MAX: variants seen among roughly 807,000 people sequenced by gnomAD.
MAX encodes protein max.
A neutral mutation model predicts 22.3 loss-of-function variants in MAX; 3 were observed. The observed-to-expected ratio is 0.13, with a 90% confidence interval of 0.06 to 0.35. The LOEUF (loss-of-function observed/expected upper bound fraction) is 0.35. MAX is among the 10% of genes least tolerant of loss of function. The pLI, the probability that MAX is intolerant of heterozygous loss-of-function variation, is 1.00. For missense variants in MAX, 119 were observed against 209.4 expected (o/e 0.57, Z 2.66); for synonymous variants, 72 against 77.7 (o/e 0.93, Z 0.39).
rs533925070 is a variant in MAX at position 65,012,091 on chromosome 14, G to A, written c.172-5807C>T. 12 of 506,592 alleles carry A rather than the reference G, an allele frequency of 2.4e-5. No homozygotes were observed. In the East Asian group the frequency reaches 2.5e-4, roughly 11 times the overall value. The allele number at this position is 506,592 out of a possible 1,614,324, so 31.4% of individuals were successfully genotyped here. A position where few individuals can be genotyped will look rare whatever the true frequency, so the allele number is the denominator to read the frequency against. ...TTTAGGAGACAATCGCACTCTAAAT[G>A]TCAGCTGGCATGGTTTTCAGATGCT... On this transcript the variant is annotated intron_variant, in intron 3 of 3. Coordinates refer to the MAX transcript ENST00000341653. This position sits in a 1 kb window ranked among gnomAD's most constrained non-coding sequence, Gnocchi z 5.0.
At chr14:65,061,619 C>G (rs1340981838) in intron 3 of MAX, 1 of 286,978 alleles carries the variant, frequency 3.5e-6, no homozygotes, top group East Asian at 6.7e-5. Context: ...GACGATCACA[C>G]AGAGATGAAT....
Position 65,082,220 on chromosome 14 carries a change from A to G in MAX, c.172-4184T>C, listed in dbSNP as rs1394981135. 6.6e-6 allele frequency: 1 copy of G among 152,166 alleles called. No homozygotes were observed. Among genetic ancestry groups the G allele is most frequent in the African/African-American group, 2.4e-5 (1 of 41,436 alleles). 9.4% of individuals were successfully genotyped at this position (152,166 alleles called of 1,614,324 possible). A position where few individuals can be genotyped will look rare whatever the true frequency, so the allele number is the denominator to read the frequency against. On this transcript the variant is annotated intron_variant, in intron 3 of 4. Transcript: ENST00000358664. This position sits in a 1 kb window ranked among gnomAD's most constrained non-coding sequence, Gnocchi z 4.8. ...GGAACACAGGGGAAGCTATGGAACT[A>G]ATTTAAAAAGATCAATAGAATTGCA...
Position 65,070,028 on chromosome 14 carries a change from A to C in MAX, c.171+23680T>G, listed in dbSNP as rs945489662. Among the ~76,000 whole-genome samples the C allele has an allele frequency of 1.3e-5, 2 of 152,248 alleles. No individual in the cohort carries two copies. The highest frequency in any genetic ancestry group is 1.3e-4 in the Admixed American group (2 of 15,288). On this transcript the variant is annotated intron_variant, in intron 3 of 3. Coordinates refer to the MAX transcript ENST00000341653. This position sits in a 1 kb window ranked among gnomAD's most constrained non-coding sequence, Gnocchi z 4.4. ...CTGTTGATGGCACCAGCAGACAGGA[A>C]ACAATGAAGCTCTCAAGCACTGTGC...
intron 3 of MAX, among the ~76,000 whole-genome samples, chr14:65,041,128 T>G (rs1399849029): frequency 1.3e-5 from 2 of 152,202 alleles, no homozygotes; most frequent in East Asian, 3.8e-4. Flanking sequence ...TTACATAGTG[T>G]GTAGACTACA....
chr14:65,018,255 A>G (rs1009266997), intron 3 of MAX, among the ~76,000 whole-genome samples: 3 of 152,130 alleles, frequency 2.0e-5, no homozygotes, highest in Non-Finnish European at 4.4e-5. Flanking sequence ...ACAGGAGTTC[A>G]GGGGTTTGAG....
chr14:65,078,101 CTGGCCTGCAGCAACTGCT>C lies in MAX; in HGVS notation c.172-83_172-66del. Reference sequence around the variant, plus strand: ...AACCCAATCCAGGCAGTGAGGGAACCTGGCCTGCAGCAACTGCTTGGGTGGCTGGAAACGAGAGGGTAA... The same window carrying C: ...AACCCAATCCAGGCAGTGAGGGAACCTGGGTGGCTGGAAACGAGAGGGTAA... On this transcript the variant is annotated intron_variant, in intron 3 of 4. Coordinates refer to ENST00000358664, the MANE Select transcript of MAX (RefSeq NM_002382.5). The surrounding 1 kb of genome is among the most constrained non-coding windows in gnomAD (Gnocchi z 6.4). 1 of 1,605,716 alleles carries C rather than the reference CTGGCCTGCAGCAACTGCT, an allele frequency of 6.2e-7. No individual in the cohort carries two copies. Among genetic ancestry groups the C allele is most frequent in the Middle Eastern group, 1.7e-4 (1 of 6,054 alleles).
chr14:65,046,972 C>T (rs550240321), intron 3 of MAX, among the ~76,000 whole-genome samples: 11 of 151,292 alleles, frequency 7.3e-5, no homozygotes, highest in Non-Finnish European at 1.0e-4. Context: ...CAAAAAGGTG[C>T]GAAAAATATT....
intron 3 of MAX, chr14:65,053,483 T>TG (rs1437828970): frequency 1.3e-6 from 1 of 767,062 alleles, no homozygotes; most frequent in African/African-American, 1.8e-5. Context: ...CTAGGTTGTA[T>TG]GGGAAAAAGC....
intron 3 of MAX, among the ~76,000 whole-genome samples, chr14:65,089,387 G>A (rs1028605304): frequency 6.6e-6 from 1 of 152,062 alleles, no homozygotes; most frequent in South Asian, 2.1e-4. Context: ...TCCCCATAAG[G>A]GAGAAATGCA....
At position 65,083,370 on chromosome 14, in the gene MAX, C is replaced by T. The variant is rs184155121; in HGVS notation, c.172-5334G>A. On this transcript the variant is annotated intron_variant, in intron 3 of 4. Transcript: ENST00000358664. Reference sequence around the variant, plus strand: ...TTAGCACTGATGCTTCAGACGAAGTCCAAGGTTATTAAATCTCATTTAAAG... The same window carrying T: ...TTAGCACTGATGCTTCAGACGAAGTTCAAGGTTATTAAATCTCATTTAAAG... Among the ~76,000 whole-genome samples, 7 of 152,310 alleles carry T rather than the reference C, an allele frequency of 4.6e-5. No individual in the cohort carries two copies. The East Asian group carries it at 9.6e-4, about 21-fold the overall frequency.
At chr14:65,006,654 G>C (rs965413688) in intron 3 of MAX, among the ~76,000 whole-genome samples, 1 of 152,212 alleles carries the variant, frequency 6.6e-6, no homozygotes, top group Non-Finnish European at 1.5e-5. Context: ...ACTGTCCACT[G>C]CCTGGGCTCT....
intron 3 of MAX, among the ~76,000 whole-genome samples, chr14:65,046,903 TAAAA>T (rs1315039268): frequency 6.6e-6 from 1 of 151,738 alleles, no homozygotes; most frequent in Non-Finnish European, 1.5e-5. Context: ...ATTTCTTGCA[TAAAA>T]AAAGACAACA....
intron 3 of MAX, among the ~76,000 whole-genome samples, chr14:65,059,420 ATCTAGG>A (rs1182319532): frequency 6.6e-6 from 1 of 152,106 alleles, no homozygotes; most frequent in Non-Finnish European, 1.5e-5. Flanking sequence ...CTGAGAAACC[ATCTAGG>A]TCTAGTATCT....
chr14:65,079,016 CCT>C lies in MAX; in HGVS notation c.172-982_172-981del, dbSNP rs746919054. ...AGCCATCCGACTCCTGAACTGTACT[CCT>C]CCCATCTCCTCTGGTTCTTTAGGTT... is the stretch of plus-strand genomic sequence containing the variant. On this transcript the variant is annotated intron_variant, in intron 3 of 4. Coordinates refer to ENST00000358664, the MANE Select transcript of MAX (RefSeq NM_002382.5). The surrounding 1 kb of genome is among the most constrained non-coding windows in gnomAD (Gnocchi z 4.5). 1.3e-5 allele frequency among the ~76,000 whole-genome samples: 2 copies of C among 152,234 alleles called. No individual in the cohort carries two copies. Among genetic ancestry groups the C allele is most frequent in the Non-Finnish European group, 2.9e-5 (2 of 68,044 alleles).
At chr14:65,102,167 G>A in intron 1 of MAX, 137 bp downstream of exon 1, 1 of 1,491,446 alleles carries the variant, frequency 6.7e-7, no homozygotes, top group Non-Finnish European at 9.1e-7. Context: ...GAACGCGACG[G>A]AGGCACTCCT....
intron 3 of MAX, among the ~76,000 whole-genome samples, chr14:65,056,008 C>T (rs980785503): frequency 6.6e-6 from 1 of 152,186 alleles, no homozygotes; most frequent in Non-Finnish European, 1.5e-5. Context: ...CCTCCTTCTC[C>T]AGAGGTAACC....
chr14:65,060,824 G>A (rs995929342), intron 3 of MAX, among the ~76,000 whole-genome samples: 1 of 135,392 alleles, frequency 7.4e-6, no homozygotes, highest in Non-Finnish European at 1.5e-5. Context: ...AGTGAGCTAA[G>A]ATCGTGTCAA....
chr14:65,084,269 G>C lies in MAX; in HGVS notation c.172-6233C>G. 1 of 1,611,620 alleles carries C rather than the reference G, an allele frequency of 6.2e-7. No homozygotes were observed. Among genetic ancestry groups the C allele is most frequent in the Non-Finnish European group, 8.5e-7 (1 of 1,177,810 alleles). ...ATCAAACTTTGACGATGAAGGACAG[G>C]AGTACACAATTTCCAAAAGAGGAAA... On this transcript the variant is annotated intron_variant, in intron 3 of 4. Coordinates refer to ENST00000358664, the MANE Select transcript of MAX (RefSeq NM_002382.5). The surrounding 1 kb of genome is among the most constrained non-coding windows in gnomAD (Gnocchi z 4.3).
chr14:65,090,038 G>A (rs968081267), intron 3 of MAX: 1 of 152,094 alleles, frequency 6.6e-6, no homozygotes, highest in African/African-American at 2.4e-5. Flanking sequence ...CTATTTTCTT[G>A]AGCTCAGAGC....
Sources: gnomAD v4.1 joint callset for allele counts (sites outside exome capture counted in the v4.1 genomes callset) on GRCh38, gnomAD v4.1.1 for gene constraint, Gnocchi (gnomAD v3.1) non-coding constraint, MANE v1.5 for transcripts, NCBI Gene and HGNC (gene_info 2026-07-23, HGNC 2026-07-21) for gene names.